Variants in PAX5 observed in about 807,000 individuals in gnomAD.
PAX5 encodes the protein paired box protein Pax-5.
In PAX5, 9 loss-of-function variants were observed where a neutral mutation model predicts 43.7. The observed-to-expected ratio is 0.21, with a 90% CI of 0.12 to 0.36. The LOEUF (loss-of-function observed/expected upper bound fraction) is 0.36. Ranked by LOEUF, PAX5 falls within the 10% of genes least tolerant of loss-of-function variation. The pLI is 1.00. For synonymous variants in PAX5, 228 were observed against 214.3 expected (o/e 1.06, Z -0.56); for missense variants, 383 against 532.7 (o/e 0.72, Z 2.77).
At chr9:36,971,193 C>A (rs1252737345) in intron 5 of PAX5, among the ~76,000 whole-genome samples, 1 of 152,182 alleles carries the variant, frequency 6.6e-6, no homozygotes, top group Non-Finnish European at 1.5e-5. Flanking sequence ...GAAAAATAAT[C>A]GGACTAGTAA....
chr9:36,922,440 A>G (rs1018011263), intron 7 of PAX5, among the ~76,000 whole-genome samples: 15 of 152,126 alleles, frequency 9.9e-5, no homozygotes, highest in African/African-American at 3.6e-4. Context: ...CGGTTGGACA[A>G]CCAAGAGCTG....
rs1411548291 is a variant in PAX5 at position 37,000,960 on chromosome 9, G to A, written c.604+1688C>T. On this transcript the variant is annotated intron_variant, in intron 5 of 9. Coordinates refer to ENST00000358127, the MANE Select transcript of PAX5 (RefSeq NM_016734.3). ...TCCCTAGAGGCTTGAGGTGTTCCCA[G>A]ATGCTGTATCAGATCCCTCTTCGCC... Among the ~76,000 whole-genome samples the A allele has an allele frequency of 3.9e-5, 6 of 152,342 alleles. No homozygotes were observed. The East Asian group carries it at 1.2e-3, about 29-fold the overall frequency.
Position 36,961,257 on chromosome 9 carries a change from G to T in PAX5, c.780+5292C>A, listed in dbSNP as rs554696971. ...CTGGAGAGGTGCCACCACTGAGGGG[G>T]CAAAGCAGCTGATGAGAGCAGGAGG... On this transcript the variant is annotated intron_variant, in intron 6 of 9. Transcript: ENST00000358127. Among the ~76,000 whole-genome samples, 120 of 152,350 alleles carry T rather than the reference G, an allele frequency of 7.9e-4. No individual in the cohort carries two copies. In the Middle Eastern group the frequency reaches 0.01, roughly 13 times the overall value.
intron 7 of PAX5, among the ~76,000 whole-genome samples, chr9:36,883,803 A>G (rs770074299): frequency 6.6e-6 from 1 of 152,224 alleles, no homozygotes; most frequent in African/African-American, 2.4e-5. Context: ...CAGATAATCA[A>G]GATAAAGGAT....
chr9:36,968,271 CA>C (rs1295181727), intron 5 of PAX5, among the ~76,000 whole-genome samples: 1 of 152,216 alleles, frequency 6.6e-6, no homozygotes, highest in Non-Finnish European at 1.5e-5. Context: ...CTTCATCCGT[CA>C]CGTCAAGCTC....
chr9:36,912,670 G>C (rs1219482279), intron 7 of PAX5, among the ~76,000 whole-genome samples: 1 of 152,168 alleles, frequency 6.6e-6, no homozygotes, highest in Non-Finnish European at 1.5e-5. Flanking sequence ...TGTGAAGTGA[G>C]TAGTGGGACC....
chr9:36,861,619 A>C (rs1048906184), intron 8 of PAX5, among the ~76,000 whole-genome samples: 1 of 151,892 alleles, frequency 6.6e-6, no homozygotes, highest in African/African-American at 2.4e-5. Flanking sequence ...TATCTGTGGG[A>C]AGGGCCCTCT....
chr9:36,871,676 T>C (rs1355977134), intron 8 of PAX5, among the ~76,000 whole-genome samples: 1 of 152,210 alleles, frequency 6.6e-6, no homozygotes, highest in Non-Finnish European at 1.5e-5. Flanking sequence ...CAAACACATG[T>C]TCTCACATAC....
intron 3 of PAX5, among the ~76,000 whole-genome samples, chr9:37,013,886 T>C (rs1284419874): frequency 6.6e-6 from 1 of 152,254 alleles, no homozygotes; most frequent in Non-Finnish European, 1.5e-5. Context: ...CACAGCGATC[T>C]GTGCATTTGA....
chr9:36,842,085 T>G (rs113395132), intron 9 of PAX5, among the ~76,000 whole-genome samples: 1 of 152,224 alleles, frequency 6.6e-6, no homozygotes, highest in African/African-American at 2.4e-5. Context: ...AGTACCTTGC[T>G]GTGCTGTTCC....
intron 8 of PAX5, among the ~76,000 whole-genome samples, chr9:36,877,621 C>T (rs1003476479): frequency 6.6e-6 from 1 of 152,224 alleles, no homozygotes; most frequent in African/African-American, 2.4e-5. Context: ...AATGCAATGG[C>T]ATCATCATCT....
rs75862075 is a variant in PAX5, at chr9:36,946,050, G to A, written c.780+20499C>T. ...GGAACAGCACGCAGGAAACTCTGCA[G>A]TGCTCCATCAGGAAGCGACTCCCTG... On this transcript the variant is annotated intron_variant, in intron 6 of 9. Transcript: ENST00000358127. Among the ~76,000 whole-genome samples, 205 of 152,314 alleles carry A rather than the reference G, an allele frequency of 1.3e-3. 1 individual carries two copies. The highest frequency in any genetic ancestry group is 2.2e-3 in the Non-Finnish European group (151 of 68,032).
intron 1 of PAX5, among the ~76,000 whole-genome samples, chr9:37,031,285 T>C (rs1049461605): frequency 1.3e-5 from 2 of 152,196 alleles, no homozygotes; most frequent in African/African-American, 4.8e-5. Context: ...GGCAGCCCCT[T>C]CTAAAGCCTC....
chr9:37,010,683 A>C (rs972387491), intron 3 of PAX5, among the ~76,000 whole-genome samples: 2 of 152,170 alleles, frequency 1.3e-5, no homozygotes, highest in Non-Finnish European at 2.9e-5. Flanking sequence ...GCCTTGAAAA[A>C]GGAAACAGGA....
At chr9:37,023,899 A>G (rs1473013962) in intron 1 of PAX5, among the ~76,000 whole-genome samples, 1 of 152,218 alleles carries the variant, frequency 6.6e-6, no homozygotes, top group Non-Finnish European at 1.5e-5. Flanking sequence ...GGCAGTAGAC[A>G]TATACATGGT....
intron 7 of PAX5, among the ~76,000 whole-genome samples, chr9:36,883,345 C>G (rs1470676914): frequency 1.3e-5 from 2 of 152,132 alleles, no homozygotes; most frequent in Non-Finnish European, 2.9e-5. Context: ...ATAAAATGAA[C>G]CCAGGGAAAG....
chr9:36,955,912 GTTC>G (rs2132132230), intron 6 of PAX5, among the ~76,000 whole-genome samples: 1 of 151,742 alleles, frequency 6.6e-6, no homozygotes, highest in African/African-American at 2.4e-5. Context: ...AGAAATCTAC[GTTC>G]TTTTTTAAAA....
intron 8 of PAX5, among the ~76,000 whole-genome samples, chr9:36,858,462 G>A (rs1286042419): frequency 6.6e-6 from 1 of 152,126 alleles, no homozygotes; most frequent in Non-Finnish European, 1.5e-5. Flanking sequence ...GACAAGATTG[G>A]TTTCCAGTCT....
At chr9:36,889,906 C>A (rs1827224770) in intron 7 of PAX5, among the ~76,000 whole-genome samples, 1 of 145,818 alleles carries the variant, frequency 6.9e-6, no homozygotes, top group South Asian at 2.2e-4. Context: ...TTTCATAGAG[C>A]CCATTTCTAG....
Sources: allele counts gnomAD v4.1 joint callset (sites outside exome capture counted in the v4.1 genomes callset), GRCh38; gene constraint gnomAD v4.1.1; transcripts MANE v1.5; gene names NCBI Gene and HGNC (gene_info 2026-07-23, HGNC 2026-07-21).